Variants in ADGRB3 observed in about 807,000 individuals in gnomAD.
The protein encoded by ADGRB3 is brain-specific angiogenesis inhibitor 3.
ADGRB3 carries 37 observed loss-of-function variants against 193.4 expected under a neutral mutation model. The observed-to-expected ratio is 0.19, with a 90% confidence interval of 0.15 to 0.25. ADGRB3 has a LOEUF of 0.25. Ranked by LOEUF, ADGRB3 falls within the 10% of genes least tolerant of loss-of-function variation. The probability of loss-of-function intolerance (pLI) is 1.00; values close to 1 mark genes in which losing one functional copy is unlikely to be tolerated. For missense variants in ADGRB3, 1,637 were observed against 1,852.9 expected, an observed-to-expected ratio of 0.88 and a Z score of 2.14; for synonymous variants, 690 against 644.2, an observed-to-expected ratio of 1.07 and a Z score of -1.08.
chr6:68,833,350 A>G (rs1244334758), intron 3 of ADGRB3, among the ~76,000 whole-genome samples: 1 of 151,770 alleles, frequency 6.6e-6, no homozygotes, highest in African/African-American at 2.4e-5. Context: ...AGAAGATATT[A>G]CAAATATTAT....
Position 69,114,846 on chromosome 6 carries a change from G to A in ADGRB3, c.2480+38808G>A, listed in dbSNP as rs997478160. 4.6e-5 allele frequency among the ~76,000 whole-genome samples: 7 copies of A among 152,152 alleles called. No individual in the cohort carries two copies. In the East Asian group the frequency reaches 1.2e-3, roughly 25 times the overall value. On this transcript the variant is annotated intron_variant, in intron 17 of 31. Transcript: ENST00000370598. ...GCAGCCAACAAACATATGAAAAAAT[G>A]CTCATCATCACTGGTCATTAGAGAA...
chr6:69,027,325 C>T (rs903190241), intron 13 of ADGRB3, among the ~76,000 whole-genome samples: 1 of 152,000 alleles, frequency 6.6e-6, no homozygotes, highest in Non-Finnish European at 1.5e-5. Context: ...ATCATGTCCA[C>T]CTGAAAGGTC....
At chr6:69,130,690 G>A (rs1266956822) in intron 17 of ADGRB3, among the ~76,000 whole-genome samples, 1 of 151,022 alleles carries the variant, frequency 6.6e-6, no homozygotes, top group Non-Finnish European at 1.5e-5. Flanking sequence ...TGTTTCTTGG[G>A]GTTTTTTCTA....
chr6:69,330,307 G>T (rs985006436), intron 22 of ADGRB3, among the ~76,000 whole-genome samples, 199 bp from the exon 23 acceptor site: 15 of 152,264 alleles, frequency 9.9e-5, no homozygotes, highest in African/African-American at 2.6e-4. Flanking sequence ...TTTTGAGTTA[G>T]ATATATATAG....
intron 17 of ADGRB3, among the ~76,000 whole-genome samples, chr6:69,127,534 T>C (rs986598436): frequency 6.6e-6 from 1 of 152,178 alleles, no homozygotes; most frequent in Non-Finnish European, 1.5e-5. Context: ...ACTTGGGACA[T>C]ATCATTTGAC....
intron 3 of ADGRB3, among the ~76,000 whole-genome samples, chr6:68,905,411 C>T (rs1343445950): frequency 2.0e-5 from 3 of 152,136 alleles, no homozygotes; most frequent in African/African-American, 7.2e-5. Context: ...TGAGACATCT[C>T]TTTATTTTCT....
At chr6:68,982,026 C>T (rs1421546602) in intron 10 of ADGRB3, among the ~76,000 whole-genome samples, 1 of 152,012 alleles carries the variant, frequency 6.6e-6, no homozygotes, top group African/African-American at 2.4e-5. Context: ...GCTGGGATTA[C>T]AGGCGCCTGC....
intron 3 of ADGRB3, among the ~76,000 whole-genome samples, chr6:68,868,944 T>C (rs570829036): frequency 6.2e-5 from 9 of 145,446 alleles, no homozygotes; most frequent in African/African-American, 2.1e-4. Flanking sequence ...TGTGTGTGAG[T>C]GTGTGTGTTT....
At chr6:69,213,767 C>T (rs1224779675) in intron 17 of ADGRB3, among the ~76,000 whole-genome samples, 2 of 152,010 alleles carry the variant, frequency 1.3e-5, no homozygotes, top group African/African-American at 2.4e-5. Context: ...AAGGGTAAAG[C>T]TAGATTAGAT....
intron 3 of ADGRB3, among the ~76,000 whole-genome samples, chr6:68,926,253 T>C (rs1767177365): frequency 6.6e-6 from 1 of 152,162 alleles, no homozygotes; most frequent in Non-Finnish European, 1.5e-5. Flanking sequence ...TAGAAGTTTT[T>C]AATCTGCTAG....
At chr6:69,290,215 G>T (rs759472370) in intron 20 of ADGRB3, among the ~76,000 whole-genome samples, 3 of 152,022 alleles carry the variant, frequency 2.0e-5, no homozygotes, top group Non-Finnish European at 4.4e-5. Context: ...GACAGTAACC[G>T]GCCATTGAAA....
At chr6:69,008,749 G>T (rs904607486) in intron 11 of ADGRB3, among the ~76,000 whole-genome samples, 1 of 152,120 alleles carries the variant, frequency 6.6e-6, no homozygotes, top group Non-Finnish European at 1.5e-5. Flanking sequence ...GACCAGGGTT[G>T]AATATCCACA....
chr6:69,061,231 A>G (rs1771738708), intron 15 of ADGRB3, among the ~76,000 whole-genome samples: 1 of 152,040 alleles, frequency 6.6e-6, no homozygotes, highest in Non-Finnish European at 1.5e-5. Context: ...TACTGCATAC[A>G]TGAGAAATGC....
chr6:68,975,589 C>A lies in ADGRB3; in HGVS notation c.1734+249C>A, dbSNP rs997272862. On this transcript the variant is annotated intron_variant, in intron 10 of 31. Transcript: ENST00000370598. The stretch of plus-strand genomic sequence containing the variant: ...AACCCTTTGTCTAGTGGGGGAAAGG[C>A]CTGAGCAAAATCTGTTATTCAGTTT... 5.9e-5 allele frequency among the ~76,000 whole-genome samples: 9 copies of A among 152,042 alleles called. 1 individual carries two copies. The highest frequency in any genetic ancestry group is 5.9e-4 in the Admixed American group (9 of 15,246).
chr6:69,326,678 T>C (rs1050750496), intron 21 of ADGRB3, among the ~76,000 whole-genome samples: 1 of 151,906 alleles, frequency 6.6e-6, no homozygotes, highest in Non-Finnish European at 1.5e-5. Flanking sequence ...TTGTATGAAA[T>C]AAATACTATT....
intron 17 of ADGRB3, among the ~76,000 whole-genome samples, chr6:69,102,379 G>A (rs976219229): frequency 3.9e-5 from 6 of 152,182 alleles, no homozygotes; most frequent in African/African-American, 7.2e-5. Context: ...TAGAATGAGC[G>A]TGGAAACATA....
intron 17 of ADGRB3, among the ~76,000 whole-genome samples, chr6:69,207,172 G>A (rs929728812): frequency 2.0e-5 from 3 of 152,096 alleles, no homozygotes; most frequent in African/African-American, 4.8e-5. Context: ...TCTCCTGGGG[G>A]CAATGTTCCT....
At chr6:69,011,133 ATATGTGTG>A (rs1562120883) in intron 11 of ADGRB3, among the ~76,000 whole-genome samples, 3 of 97,218 alleles carry the variant, frequency 3.1e-5, no homozygotes, top group East Asian at 2.8e-4. Context: ...ATATACATAT[ATATGTGTG>A]TGTGTGTGTG....
At chr6:69,079,258 A>T (rs944006398) in intron 17 of ADGRB3, among the ~76,000 whole-genome samples, 1 of 152,086 alleles carries the variant, frequency 6.6e-6, no homozygotes, top group East Asian at 1.9e-4. Context: ...GCTTCATTGT[A>T]TGTGACAGAT....
Sources: gnomAD v4.1 joint callset for allele counts (sites outside exome capture counted in the v4.1 genomes callset) on GRCh38, gnomAD v4.1.1 for gene constraint, MANE v1.5 for transcripts, NCBI Gene and HGNC (gene_info 2026-07-23, HGNC 2026-07-21) for gene names.